Variants in TMEM117 observed in about 807,000 individuals in gnomAD.
TMEM117 encodes the protein transmembrane protein 117.
TMEM117 carries 27 observed loss-of-function variants against 52.4 expected under a neutral mutation model. The ratio of observed to expected loss-of-function variants is 0.51; its 90% confidence interval spans 0.38 to 0.71. The LOEUF (loss-of-function observed/expected upper bound fraction) is 0.71, where lower values mean the gene tolerates loss of function less well. Among genes scored for constraint, TMEM117 ranks in the 30% least tolerant of loss-of-function variants. The probability of loss-of-function intolerance (pLI) is 0.00; values close to 1 mark genes in which losing one functional copy is unlikely to be tolerated. For missense variants in TMEM117, 556 were observed against 630.5 expected (o/e 0.88, Z 1.26); for synonymous variants, 215 against 206.3 (o/e 1.04, Z -0.36).
At chr12:44,031,131 C>T (rs1285759159) in intron 3 of TMEM117, among the ~76,000 whole-genome samples, 3 of 152,152 alleles carry the variant, frequency 2.0e-5, no homozygotes, top group Admixed American at 1.3e-4. Context: ...GTATAAAAAT[C>T]ATGCAGGTAG....
chr12:44,334,742 G>A (rs1208959139), intron 6 of TMEM117, among the ~76,000 whole-genome samples: 1 of 151,982 alleles, frequency 6.6e-6, no homozygotes, highest in Non-Finnish European at 1.5e-5. Flanking sequence ...TCTCCACGAG[G>A]AGTGGAATAG....
chr12:43,802,336 C>T, the TMEM117 span: 2 of 1,589,950 alleles, frequency 1.3e-6, no homozygotes, highest in Non-Finnish European at 1.7e-6. Context: ...TATCCCTGGG[C>T]ATTCTGAGAA....
At chr12:44,107,714 A>C (rs1361236785) in intron 3 of TMEM117, among the ~76,000 whole-genome samples, 3 of 152,166 alleles carry the variant, frequency 2.0e-5, no homozygotes, top group African/African-American at 7.2e-5. Context: ...TTTACTCCAC[A>C]AGAAACATTA....
In TMEM117 at chr12:44,077,946, T is replaced by C. The variant is rs556225898; in HGVS notation, c.411-65579T>C. Among the ~76,000 whole-genome samples the C allele has an allele frequency of 7.9e-5, 12 of 152,254 alleles. No individual in the cohort carries two copies. In the East Asian group the frequency reaches 1.2e-3, roughly 15 times the overall value. ...ATACCAAAATATGTTGTTGTACTTA[T>C]ATTTTACAAACTCAAAAGAAGGAGG... On this transcript the variant is annotated intron_variant, in intron 3 of 7. Transcript: ENST00000266534.
chr12:44,226,444 A>G (rs570564834), intron 5 of TMEM117, among the ~76,000 whole-genome samples: 1 of 152,170 alleles, frequency 6.6e-6, no homozygotes, highest in East Asian at 1.9e-4. Context: ...ATCTATCCTG[A>G]AGTAGGGAGA....
chr12:44,170,107 T>C (rs1233351478), intron 4 of TMEM117, among the ~76,000 whole-genome samples: 3 of 152,070 alleles, frequency 2.0e-5, no homozygotes, highest in South Asian at 2.1e-4. Context: ...TAGAATACTA[T>C]GCAGCCATAA....
chr12:44,332,632 T>G (rs988278614), intron 6 of TMEM117, among the ~76,000 whole-genome samples: 1 of 151,924 alleles, frequency 6.6e-6, no homozygotes, highest in East Asian at 1.9e-4. Context: ...TATAGAATTT[T>G]CATAAGTCTA....
chr12:44,024,843 T>C (rs1157745332), intron 3 of TMEM117, among the ~76,000 whole-genome samples: 1 of 152,152 alleles, frequency 6.6e-6, no homozygotes. Flanking sequence ...TATATCTACA[T>C]ATATATTTGT....
rs139030166 is a variant in TMEM117 at position 43,997,939 on chromosome 12, G to A, written c.410+53597G>A. ...CAATCTCCTTTTAAAGTTCATGCATGCACTCATGCTAATATTACCACTTAT... is the reference window on the plus strand; with the variant it reads ...CAATCTCCTTTTAAAGTTCATGCATACACTCATGCTAATATTACCACTTAT... On this transcript the variant is annotated intron_variant, in intron 3 of 7. Coordinates refer to ENST00000266534, the MANE Select transcript of TMEM117 (RefSeq NM_032256.3). 2.3e-3 allele frequency among the ~76,000 whole-genome samples: 357 copies of A among 152,300 alleles called. 3 individuals are homozygous for A. The highest frequency in any genetic ancestry group is 8.2e-3 in the African/African-American group (339 of 41,548).
At chr12:44,065,571 T>G (rs1418378258) in intron 3 of TMEM117, among the ~76,000 whole-genome samples, 1 of 152,198 alleles carries the variant, frequency 6.6e-6, no homozygotes, top group African/African-American at 2.4e-5. Context: ...ATTGTGAGTA[T>G]GATTATAGGA....
In TMEM117 at chr12:44,151,340, G is replaced by A. The variant is rs983110613; in HGVS notation, c.510+7716G>A. Among the ~76,000 whole-genome samples the A allele has an allele frequency of 7.4e-4, 106 of 143,294 alleles. 2 individuals are homozygous for A. Among genetic ancestry groups the A allele is most frequent in the Non-Finnish European group, 2.7e-4 (18 of 65,510 alleles). The allele number at this position is 143,294 out of a possible 152,430, so 94.0% of individuals were successfully genotyped here. On this transcript the variant is annotated intron_variant, in intron 4 of 7. Coordinates refer to ENST00000266534, the MANE Select transcript of TMEM117 (RefSeq NM_032256.3). ...GTAAAGTTCCGCACCTTTTTTTTTT[G>A]ATGGAATTTTCTTTTTTTTTTCATT...
chr12:43,819,578 T>C, the TMEM117 span, among the ~76,000 whole-genome samples: 2,016 of 152,130 alleles, frequency 0.013, 38 homozygotes, highest in African/African-American at 0.045. Flanking sequence ...GTCGAGGCCA[T>C]CCTGACCAAC....
intron 2 of TMEM117, among the ~76,000 whole-genome samples, chr12:43,906,482 G>C (rs1483043830): frequency 2.6e-5 from 4 of 151,468 alleles, no homozygotes; most frequent in Admixed American, 6.6e-5. Context: ...AAAAGAAAGC[G>C]GGGGAGGAGC....
intron 5 of TMEM117, among the ~76,000 whole-genome samples, chr12:44,227,414 A>G (rs1391443380): frequency 6.6e-6 from 1 of 152,094 alleles, no homozygotes; most frequent in Non-Finnish European, 1.5e-5. Flanking sequence ...AAATCATGCC[A>G]CTGCACTCCA....
At position 44,104,465 on chromosome 12, in the gene TMEM117, G is replaced by A. The variant is rs76317381; in HGVS notation, c.411-39060G>A. Among the ~76,000 whole-genome samples the A allele has an allele frequency of 1.2e-3, 182 of 151,928 alleles. 3 individuals are homozygous for A. The East Asian group carries it at 0.028, about 23-fold the overall frequency. ...TTGAGCACCTACCATTTGCTCGCTT[G>A]GTGAGTTAGTAAATTACCTTATTTA... On this transcript the variant is annotated intron_variant, in intron 3 of 7. Coordinates refer to ENST00000266534, the MANE Select transcript of TMEM117 (RefSeq NM_032256.3).
chr12:44,307,717 C>T (rs1158208677), intron 6 of TMEM117, among the ~76,000 whole-genome samples: 5 of 152,158 alleles, frequency 3.3e-5, no homozygotes, highest in African/African-American at 1.2e-4. Flanking sequence ...GGCAACAGAC[C>T]TCCAAATAGT....
intron 3 of TMEM117, among the ~76,000 whole-genome samples, chr12:44,062,795 C>T (rs374645484): frequency 1.3e-5 from 2 of 152,284 alleles, no homozygotes; most frequent in East Asian, 3.9e-4. Context: ...CAATACAATT[C>T]TCCCTTTAGG....
At chr12:44,164,463 G>A (rs1948938223) in intron 4 of TMEM117, among the ~76,000 whole-genome samples, 1 of 151,984 alleles carries the variant, frequency 6.6e-6, no homozygotes, top group Non-Finnish European at 1.5e-5. Flanking sequence ...ATGATATTTG[G>A]TTTTCCATTC....
At chr12:44,063,574 C>T (rs548295227) in intron 3 of TMEM117, among the ~76,000 whole-genome samples, 3 of 151,816 alleles carry the variant, frequency 2.0e-5, no homozygotes, top group African/African-American at 4.8e-5. Context: ...CCCATTAACT[C>T]GTCATTTACA....
Sources: allele counts gnomAD v4.1 joint callset (sites outside exome capture counted in the v4.1 genomes callset), GRCh38; gene constraint gnomAD v4.1.1; transcripts MANE v1.5; gene names NCBI Gene and HGNC (gene_info 2026-07-23, HGNC 2026-07-21).